ROR2: variants seen among roughly 807,000 people sequenced by gnomAD.
ROR2 encodes tyrosine-protein kinase transmembrane receptor ROR2.
In ROR2, 33 loss-of-function variants were observed where a neutral mutation model predicts 74.9. The observed-to-expected ratio is 0.44, with a 90% CI of 0.33 to 0.59. The LOEUF is 0.59. Among genes scored for constraint, ROR2 ranks in the 20% least tolerant of loss-of-function variants. The probability of loss-of-function intolerance (pLI) is 0.02; values close to 1 mark genes in which losing one functional copy is unlikely to be tolerated. For synonymous variants in ROR2, 586 were observed against 558.7 expected, an observed-to-expected ratio of 1.05 and a Z score of -0.69; for missense variants, 1,216 against 1,313.8, an observed-to-expected ratio of 0.93 and a Z score of 1.15.
At chr9:91,761,478 C>T (rs1229864972) in intron 2 of ROR2, among the ~76,000 whole-genome samples, 1 of 152,192 alleles carries the variant, frequency 6.6e-6, no homozygotes, top group Non-Finnish European at 1.5e-5. Flanking sequence ...CATAAGCGCA[C>T]ACCCTAGATC....
At chr9:91,865,254 T>C (rs1182652158) in intron 1 of ROR2, among the ~76,000 whole-genome samples, 1 of 152,194 alleles carries the variant, frequency 6.6e-6, no homozygotes, top group African/African-American at 2.4e-5. Context: ...GGTTACACAC[T>C]TCCAGCCAGC....
At position 91,756,899 on chromosome 9, in the gene ROR2, C is replaced by T. The variant is rs557917558; in HGVS notation, c.463+373G>A. On this transcript the variant is annotated intron_variant, in intron 3 of 8. Coordinates refer to ENST00000375708, the MANE Select transcript of ROR2 (RefSeq NM_004560.4). ...CTGAGTAGCTGGGATTACAGGCGCC[C>T]GCCACCATGCCAGGCTAATTTTGTA... is the stretch of plus-strand genomic sequence containing the variant. Among the ~76,000 whole-genome samples, 5 of 151,866 alleles carry T rather than the reference C, an allele frequency of 3.3e-5. No individual in the cohort carries two copies. In the South Asian group the frequency reaches 6.3e-4, roughly 19 times the overall value.
chr9:91,735,197 C>A (rs1254872728), intron 5 of ROR2, among the ~76,000 whole-genome samples: 1 of 152,206 alleles, frequency 6.6e-6, no homozygotes, highest in Non-Finnish European at 1.5e-5. Flanking sequence ...ATTCTAGGCA[C>A]AAAGAGATCC....
rs916243826 is a variant in ROR2 at position 91,812,563 on chromosome 9, A to AC, written c.98-36746dup. On this transcript the variant is annotated intron_variant, in intron 1 of 8. Transcript: ENST00000375708. ...GTGTGTGGCCTGTCCTCCCCGCCCC[A>AC]CCCCCCCCACACACACGTGTGTGTG... Among the ~76,000 whole-genome samples the AC allele has an allele frequency of 1.5e-3, 203 of 131,470 alleles. 1 individual carries two copies. The highest frequency in any genetic ancestry group is 2.7e-3 in the African/African-American group (99 of 36,122). 86.2% of individuals were successfully genotyped at this position (131,470 alleles called of 152,430 possible).
intron 5 of ROR2, among the ~76,000 whole-genome samples, chr9:91,734,342 GC>G (rs1004139325): frequency 6.6e-6 from 1 of 152,164 alleles, no homozygotes; most frequent in Non-Finnish European, 1.5e-5. Context: ...AGGCCCCTTT[GC>G]CTGCACACCC....
intron 1 of ROR2, among the ~76,000 whole-genome samples, chr9:91,814,467 C>G (rs1827862283): frequency 6.6e-6 from 1 of 152,156 alleles, no homozygotes; most frequent in African/African-American, 2.4e-5. Flanking sequence ...GGCATGACAG[C>G]ATCATCCTAG....
chr9:91,765,849 G>A lies in ROR2; in HGVS notation c.176-8290C>T, dbSNP rs114613041. 3.2e-3 allele frequency among the ~76,000 whole-genome samples: 494 copies of A among 152,300 alleles called. 3 individuals are homozygous for A. Among genetic ancestry groups the A allele is most frequent in the African/African-American group, 0.012 (481 of 41,556 alleles). On this transcript the variant is annotated intron_variant, in intron 2 of 8. Transcript: ENST00000375708. Reference sequence around the variant, plus strand: ...CTAGCAGAATCGTTTCTATATTAGAGATGATATTTCATAGGCCTTATATCA... The same window carrying A: ...CTAGCAGAATCGTTTCTATATTAGAAATGATATTTCATAGGCCTTATATCA...
intron 1 of ROR2, among the ~76,000 whole-genome samples, chr9:91,778,368 A>G (rs1191296332): frequency 6.6e-6 from 1 of 152,236 alleles, no homozygotes; most frequent in East Asian, 1.9e-4. Flanking sequence ...TGGCTGGTGA[A>G]TGATCACGGT....
intron 2 of ROR2, among the ~76,000 whole-genome samples, chr9:91,770,465 G>C (rs1289775527): frequency 6.6e-6 from 1 of 152,172 alleles, no homozygotes; most frequent in Non-Finnish European, 1.5e-5. Flanking sequence ...CCCACTCCAG[G>C]GAGTGTCTTC....
intron 1 of ROR2, among the ~76,000 whole-genome samples, chr9:91,937,328 A>C (rs1470190089): frequency 1.3e-5 from 2 of 152,132 alleles, no homozygotes; most frequent in Non-Finnish European, 1.5e-5. Flanking sequence ...AAATATTTGT[A>C]AAGCGCAGAG....
At chr9:91,774,779 G>A (rs1025026617) in intron 2 of ROR2, among the ~76,000 whole-genome samples, 2 of 152,198 alleles carry the variant, frequency 1.3e-5, no homozygotes, top group Non-Finnish European at 2.9e-5. Context: ...AGGGCCTGGA[G>A]AAGCATGATT....
chr9:91,787,534 T>TTTAA (rs1826841054), intron 1 of ROR2, among the ~76,000 whole-genome samples: 1 of 152,080 alleles, frequency 6.6e-6, no homozygotes, highest in South Asian at 2.1e-4. Context: ...AATCTTTCTT[T>TTTAA]TTATTTATTT....
intron 2 of ROR2, among the ~76,000 whole-genome samples, chr9:91,767,465 A>G (rs1051251664): frequency 6.6e-6 from 1 of 152,230 alleles, no homozygotes; most frequent in African/African-American, 2.4e-5. Context: ...ACCAGGTCAC[A>G]CTGATCAGTC....
chr9:91,821,100 C>CA (rs34388374), intron 1 of ROR2, among the ~76,000 whole-genome samples: 47,368 of 124,100 alleles, frequency 0.38, 8,079 homozygotes, highest in Admixed American at 0.52. Context: ...GACTTCGTCT[C>CA]AAAAAAAAAA....
chr9:91,725,416 G>GAC (rs756104572), intron 8 of ROR2, among the ~76,000 whole-genome samples: 12 of 151,976 alleles, frequency 7.9e-5, no homozygotes, highest in South Asian at 4.2e-4. Context: ...TGCATGTGTG[G>GAC]ACACACACAC....
intron 1 of ROR2, among the ~76,000 whole-genome samples, chr9:91,814,945 C>G (rs896928900): frequency 1.3e-5 from 2 of 152,242 alleles, no homozygotes; most frequent in African/African-American, 2.4e-5. Context: ...CTCCTCACCC[C>G]ACAAGGGCTG....
Position 91,945,266 on chromosome 9 carries a change from T to A in ROR2, c.97+4601A>T, listed in dbSNP as rs995806196. Among the ~76,000 whole-genome samples the A allele has an allele frequency of 3.7e-4, 57 of 152,180 alleles. 1 individual carries two copies. Among genetic ancestry groups the A allele is most frequent in the Non-Finnish European group, 1.3e-4 (9 of 68,032 alleles). On this transcript the variant is annotated intron_variant, in intron 1 of 8. Transcript: ENST00000375708. ...TAATTAATTTTAACTTATATAGCTG[T>A]GTGTGCCTGGTGGCTACTATATTCC...
chr9:91,891,754 A>T (rs2119399120), intron 1 of ROR2, among the ~76,000 whole-genome samples: 1 of 152,146 alleles, frequency 6.6e-6, no homozygotes, highest in South Asian at 2.1e-4. Flanking sequence ...TCACCTTTAA[A>T]GCCAGCACAG....
intron 1 of ROR2, among the ~76,000 whole-genome samples, chr9:91,803,009 C>T (rs934618507): frequency 6.6e-6 from 1 of 152,084 alleles, no homozygotes; most frequent in Non-Finnish European, 1.5e-5. Flanking sequence ...AGCTCACACC[C>T]ACTAAGGCAG....
Sources: allele counts gnomAD v4.1 joint callset (sites outside exome capture counted in the v4.1 genomes callset), GRCh38; gene constraint gnomAD v4.1.1; transcripts MANE v1.5; gene names NCBI Gene and HGNC (gene_info 2026-07-23, HGNC 2026-07-21).